RNF213: variants seen among roughly 807,000 people sequenced by gnomAD.
RNF213 encodes the protein ring finger protein 213, also known as E3 ubiquitin-protein ligase RNF213.
In RNF213, 341 loss-of-function variants were observed where a neutral mutation model predicts 514.4. That is an observed-to-expected ratio of 0.66 (90% confidence interval 0.61 to 0.73). The LOEUF (loss-of-function observed/expected upper bound fraction) is 0.73. Ranked by LOEUF, RNF213 falls within the 30% of genes least tolerant of loss-of-function variation. The pLI is 0.00. For synonymous variants in RNF213, 2,655 were observed against 2,658.2 expected (o/e 1.00, Z 0.04); for missense variants, 5,767 against 6,615.6 (o/e 0.87, Z 4.45).
intron 3 of RNF213, among the ~76,000 whole-genome samples, chr17:80,275,774 T>G (rs2044029157): frequency 6.6e-6 from 1 of 152,142 alleles, no homozygotes; most frequent in African/African-American, 2.4e-5. Context: ...GTGATTGTCC[T>G]ACTTCAGCCT....
At chr17:80,348,390 T>C (rs532377096) in intron 29 of RNF213, 104 bp downstream of exon 29, 166 of 1,486,884 alleles carry the variant, frequency 1.1e-4, no homozygotes, top group Non-Finnish European at 1.4e-4. Context: ...TTAGGGATCC[T>C]GCAGGGAGAT....
rs755449744 is a variant in RNF213, at chr17:80,345,859, T to C, written c.7524T>C (p.Asp2508=). ...IKEVLCDHMV[D]GQPLAEDSGL... The stretch of plus-strand genomic sequence containing the variant: ...AAGTCCTGTGTGATCATATGGTGGA[T>C]GGCCAGCCTCTGGCTGAGGACTCTG... Residue 2508 remains aspartate, a synonymous_variant, in exon 29 of 68, where the codon GAT becomes GAC. Coordinates refer to ENST00000582970, the MANE Select transcript of RNF213 (RefSeq NM_001256071.3). This position sits in a 1 kb window ranked among gnomAD's most constrained non-coding sequence, Gnocchi z 6.0. The C allele has an allele frequency of 1.2e-6, 2 of 1,614,178 alleles. No individual in the cohort carries two copies. The highest frequency in any genetic ancestry group is 3.3e-5 in the Admixed American group (2 of 60,032).
intron 36 of RNF213, chr17:80,355,213 C>T (rs1900174461): frequency 2.2e-6 from 1 of 456,078 alleles, no homozygotes; most frequent in Non-Finnish European, 4.4e-6. Context: ...ACAGCGGACT[C>T]CTCCATGAGT....
intron 63 of RNF213, 130 bp from the exon 64 acceptor site, chr17:80,388,482 C>G: frequency 2.7e-6 from 2 of 751,166 alleles, no homozygotes; most frequent in Non-Finnish European, 4.8e-6. Context: ...GAGGGGCGCT[C>G]TTAGCCAAGG....
chr17:80,324,773 T>G (rs1259660807), intron 17 of RNF213, among the ~76,000 whole-genome samples: 1 of 151,494 alleles, frequency 6.6e-6, no homozygotes. Flanking sequence ...GGAAGGAGGG[T>G]GACTGGTTAT....
intron 13 of RNF213, among the ~76,000 whole-genome samples, chr17:80,307,605 A>C: frequency 6.7e-6 from 1 of 148,926 alleles, no homozygotes. Context: ...GCTGGAGTGC[A>C]ATGGCACCAT....
At position 80,264,578 on chromosome 17, in the gene RNF213, T is replaced by C. The variant is rs368837975; in HGVS notation, c.97+800T>C. 3.0e-4 allele frequency among the ~76,000 whole-genome samples: 45 copies of C among 152,138 alleles called. No homozygotes were observed. Among genetic ancestry groups the C allele is most frequent in the Non-Finnish European group, 7.4e-5 (5 of 68,022 alleles). ...CTCCACTGGTGAGGGCACCTCATTCTTCCAGCTGCTTCTATCGGACCCATC... is the reference window on the plus strand; with the variant it reads ...CTCCACTGGTGAGGGCACCTCATTCCTCCAGCTGCTTCTATCGGACCCATC... On this transcript the variant is annotated intron_variant, in intron 2 of 67. Transcript: ENST00000582970. The surrounding 1 kb of genome is among the most constrained non-coding windows in gnomAD (Gnocchi z 5.0).
chr17:80,332,590 C>A lies in RNF213; in HGVS notation c.4102C>A (p.Leu1368Met). Residue 1368 changes from leucine (L) to methionine (M), a missense_variant, in exon 21 of 68, where the codon CTG becomes ATG. Transcript: ENST00000582970. ...CTTGCAGGTCAAAGAGAGCCTGGGA[C>A]TGAACGGTGACTTCAGTGTTCTCAA... ...VILQVKESLG[L>M]NGDFSVLNTL... is the part of the protein sequence containing the mutation. The A allele has an allele frequency of 6.6e-7, 1 of 1,524,364 alleles. No individual in the cohort carries two copies. Among genetic ancestry groups the A allele is most frequent in the Admixed American group, 2.0e-5 (1 of 49,292 alleles). The allele number at this position is 1,524,364 out of a possible 1,614,324, so 94.4% of individuals were successfully genotyped here.
chr17:80,349,730 T>C (rs2078435878), intron 29 of RNF213, 40 bp from the exon 30 acceptor site: 2 of 1,612,346 alleles, frequency 1.2e-6, no homozygotes, highest in Non-Finnish European at 1.7e-6. Context: ...CAACCTTTCC[T>C]TGAAGTCTGG....
At chr17:80,326,515 G>A (rs1210548425) in intron 18 of RNF213, among the ~76,000 whole-genome samples, 2 of 152,130 alleles carry the variant, frequency 1.3e-5, no homozygotes, top group Non-Finnish European at 2.9e-5. Context: ...TCCATTCTCT[G>A]AGGTTTGGAT....
In RNF213 at chr17:80,380,916, C is replaced by G. The variant is rs776390324; in HGVS notation, c.13726C>G (p.Pro4576Ala). 3.1e-6 allele frequency: 5 copies of G among 1,614,196 alleles called. No homozygotes were observed. Among genetic ancestry groups the G allele is most frequent in the Non-Finnish European group, 2.5e-6 (3 of 1,180,034 alleles). The change falls in exon 56 of 68, where the codon CCA (proline) becomes GCA (alanine). Residue 4576 changes from proline to alanine, a missense_variant. By Grantham distance (27) the Pro-to-Ala change is conservative. This residue lies in a region of RNF213 where 1,245 missense variants were observed against 1,339.0 expected (regional missense o/e 0.93). Transcript: ENST00000582970. ...DVVTCDRGLP[P>A]VVFLLIRLLT... ...GGTGACATGTGACCGAGGGCTGCCCCCAGTGGTCTTCCTCCTTATCCGGCT... is the reference window on the plus strand; with the variant it reads ...GGTGACATGTGACCGAGGGCTGCCCGCAGTGGTCTTCCTCCTTATCCGGCT...
At chr17:80,287,470 C>G (rs1451346297) in intron 3 of RNF213, among the ~76,000 whole-genome samples, 1 of 152,198 alleles carries the variant, frequency 6.6e-6, no homozygotes, top group African/African-American at 2.4e-5. Flanking sequence ...ACCCTGCACT[C>G]CATCCTGGGC....
rs562496338 is a variant in RNF213 at position 80,396,623 on chromosome 17, T to C, written c.*3125T>C. On this transcript the variant is annotated 3_prime_UTR_variant, in exon 68 of 68. Transcript: ENST00000582970. ...ATCCAAGCCATGATTAGCATTTATA[T>C]TGCATTCTGCATTATTCTCATCCTA... 3 of 152,316 alleles carry C rather than the reference T, an allele frequency of 2.0e-5. No individual in the cohort carries two copies. The highest frequency in any genetic ancestry group is 2.1e-4 in the South Asian group (1 of 4,828). The allele number at this position is 152,316 out of a possible 1,614,324, so 9.4% of individuals were successfully genotyped here.
At chr17:80,298,568 C>A in intron 11 of RNF213, 50 bp downstream of exon 11, 1 of 1,604,928 alleles carries the variant, frequency 6.2e-7, no homozygotes, top group South Asian at 1.1e-5. Context: ...AGACTGACTC[C>A]TACATTGTGC....
intron 29 of RNF213, among the ~76,000 whole-genome samples, chr17:80,349,534 A>G (rs2078428634): frequency 6.6e-6 from 1 of 152,100 alleles, no homozygotes; most frequent in Non-Finnish European, 1.5e-5. Context: ...GGAGGAGAGG[A>G]AGGCACCCTC....
Position 80,353,946 on chromosome 17 carries a change from G to A in RNF213, c.10579-73G>A. 8 of 1,586,750 alleles carry A rather than the reference G, an allele frequency of 5.0e-6. No homozygotes were observed. The highest frequency in any genetic ancestry group is 6.9e-6 in the Non-Finnish European group (8 of 1,158,406). On this transcript the variant is annotated intron_variant, in intron 34 of 67. Coordinates refer to ENST00000582970, the MANE Select transcript of RNF213 (RefSeq NM_001256071.3). The surrounding 1 kb of genome is among the most constrained non-coding windows in gnomAD (Gnocchi z 5.0). The stretch of plus-strand genomic sequence containing the variant: ...TGTTTGCTGCATTGAGACCCTCATC[G>A]CATACGGGCGGTTTGGCTTTTGCCC...
At chr17:80,369,398 CAA>C (rs11424638) in intron 44 of RNF213, 102 bp from the exon 45 acceptor site, 3,302 of 922,084 alleles carry the variant, frequency 3.6e-3, no homozygotes, top group Non-Finnish European at 4.0e-3. Context: ...AACTCCGTCT[CAA>C]AAAAAAAAAA....
In RNF213 at chr17:80,291,716, A is replaced by G; in HGVS notation, c.1360A>G (p.Ile454Val). 1.2e-6 allele frequency: 2 copies of G among 1,614,164 alleles called. No homozygotes were observed. The highest frequency in any genetic ancestry group is 1.7e-6 in the Non-Finnish European group (2 of 1,180,046). ...TAAATACATTCCTTACAAGTACGTC[A>G]TTTATAATGGGGAATCTTTTGAGTA... ...LDKYIPYKYV[I>V]YNGESFEYEF... Residue 454 changes from isoleucine (I) to valine (V), a missense_variant, in exon 8 of 68, where the codon ATT (isoleucine) becomes GTT (valine). Coordinates refer to ENST00000582970, the MANE Select transcript of RNF213 (RefSeq NM_001256071.3).
At chr17:80,373,273 C>CCCTCACACCTTCCCCACCA in intron 49 of RNF213, 108 bp downstream of exon 49, 1 of 822,622 alleles carries the variant, frequency 1.2e-6, no homozygotes, top group African/African-American at 2.7e-5. Flanking sequence ...ACACCCCACC[C>CCCTCACACCTTCCCCACCA]CCTCACACCT....
Sources: allele counts gnomAD v4.1 joint callset (sites outside exome capture counted in the v4.1 genomes callset), GRCh38; gene constraint gnomAD v4.1.1; regional missense constraint gnomAD v4.1.1; non-coding constraint Gnocchi (gnomAD v3.1); transcripts MANE v1.5; gene names NCBI Gene and HGNC (gene_info 2026-07-23, HGNC 2026-07-21).